Variants in ELAVL4 observed in about 807,000 individuals in gnomAD.
ELAVL4 encodes ELAV-like protein 4.
In ELAVL4, 1 loss-of-function variant was observed where a neutral mutation model predicts 35.6. That is an observed-to-expected ratio of 0.03 (90% confidence interval 0.01 to 0.13). ELAVL4 has a LOEUF of 0.13. Ranked by LOEUF, ELAVL4 falls within the 10% of genes least tolerant of loss-of-function variation. The pLI is 1.00. For synonymous variants in ELAVL4, 156 were observed against 171.0 expected, an observed-to-expected ratio of 0.91 and a Z score of 0.69; for missense variants, 267 against 464.9, an observed-to-expected ratio of 0.57 and a Z score of 3.91.
upstream of ELAVL4, among the ~76,000 whole-genome samples, chr1:50,098,963 A>G (rs1665834611): frequency 6.6e-6 from 1 of 152,244 alleles, no homozygotes; most frequent in African/African-American, 2.4e-5. Context: ...AAAGAAAAGC[A>G]GCCGTGGGCT....
At chr1:50,116,397 T>G (rs922728678) in intron 1 of ELAVL4, among the ~76,000 whole-genome samples, 6 of 107,216 alleles carry the variant, frequency 5.6e-5, no homozygotes, top group African/African-American at 1.0e-4. Context: ...AATACTGTGG[T>G]GTGTGTGTGT....
intron 1 of ELAVL4, among the ~76,000 whole-genome samples, chr1:50,142,538 TCAAA>T (rs1673000226): frequency 6.6e-6 from 1 of 152,132 alleles, no homozygotes; most frequent in Admixed American, 6.5e-5. Flanking sequence ...TTGTCTTGAC[TCAAA>T]CACTCATTCC....
chr1:50,190,352 T>C (rs1387241201), intron 3 of ELAVL4, among the ~76,000 whole-genome samples: 2 of 152,242 alleles, frequency 1.3e-5, no homozygotes, highest in Non-Finnish European at 2.9e-5. Flanking sequence ...ACCACTGTAG[T>C]CATTCAGTTA....
chr1:50,062,183 G>A (rs1251943501), intron 1 of ELAVL4, among the ~76,000 whole-genome samples: 1 of 152,174 alleles, frequency 6.6e-6, no homozygotes, highest in Non-Finnish European at 1.5e-5. Flanking sequence ...GAATAACATA[G>A]CCTTTGATCT....
chr1:50,057,195 T>TA (rs538775379), intron 1 of ELAVL4, among the ~76,000 whole-genome samples: 8,045 of 142,582 alleles, frequency 0.056, 236 homozygotes, highest in African/African-American at 0.075. Flanking sequence ...GTTTTAAAAG[T>TA]AAAAAAAAAA....
At chr1:50,141,958 C>T (rs181666463) in intron 1 of ELAVL4, 110 of 152,300 alleles carry the variant, frequency 7.2e-4, no homozygotes, top group African/African-American at 2.3e-3. Context: ...TCATTTGTGA[C>T]CATCAGAAGA....
intron 2 of ELAVL4, among the ~76,000 whole-genome samples, chr1:50,168,725 G>A (rs1227102575): frequency 2.0e-5 from 3 of 151,908 alleles, no homozygotes; most frequent in Admixed American, 6.6e-5. Context: ...TTTGCATAAC[G>A]CTCTAAACAG....
chr1:50,055,008 TTCTC>T (rs1347625530), intron 1 of ELAVL4, among the ~76,000 whole-genome samples: 10 of 152,180 alleles, frequency 6.6e-5, no homozygotes, highest in Admixed American at 6.5e-4. Context: ...AGCTACAGCT[TTCTC>T]TCTCTCTATG....
upstream of ELAVL4, among the ~76,000 whole-genome samples, chr1:50,102,620 C>T (rs1420447268): frequency 1.3e-5 from 2 of 152,154 alleles, no homozygotes; most frequent in Non-Finnish European, 2.9e-5. Flanking sequence ...ACACTATATC[C>T]TTTAATGGTA....
At chr1:50,055,219 A>C (rs1202697291) in intron 1 of ELAVL4, among the ~76,000 whole-genome samples, 2 of 152,204 alleles carry the variant, frequency 1.3e-5, no homozygotes, top group Non-Finnish European at 2.9e-5. Context: ...GTAAATGACA[A>C]GAATAGGGAC....
At chr1:50,184,781 A>G (rs529409026) in intron 3 of ELAVL4, among the ~76,000 whole-genome samples, 27 of 152,312 alleles carry the variant, frequency 1.8e-4, no homozygotes, top group South Asian at 1.5e-3. Context: ...AGATGAACTC[A>G]TAAGGGATGA....
intron 1 of ELAVL4, among the ~76,000 whole-genome samples, chr1:50,051,196 C>T (rs1663357887): frequency 6.6e-6 from 1 of 152,110 alleles, no homozygotes; most frequent in Admixed American, 6.5e-5. Context: ...CAAAAGCAAA[C>T]ATATATCCAC....
chr1:50,195,835 G>A, intron 5 of ELAVL4, 49 bp downstream of exon 5: 1 of 1,604,176 alleles, frequency 6.2e-7, no homozygotes. Context: ...GTTCATAGCT[G>A]GGCAAGAGCC....
At chr1:50,069,177 C>T (rs968954893) in intron 1 of ELAVL4, among the ~76,000 whole-genome samples, 1 of 152,154 alleles carries the variant, frequency 6.6e-6, no homozygotes, top group African/African-American at 2.4e-5. Flanking sequence ...GCATCATTTA[C>T]CAGCTAAGAG....
intron 1 of ELAVL4, among the ~76,000 whole-genome samples, chr1:50,065,509 A>C (rs1664216508): frequency 6.6e-6 from 1 of 152,160 alleles, no homozygotes; most frequent in South Asian, 2.1e-4. Flanking sequence ...GAATAATAAT[A>C]TTTACTGCAT....
chr1:50,143,774 T>C (rs916687770), intron 1 of ELAVL4, among the ~76,000 whole-genome samples: 2 of 152,050 alleles, frequency 1.3e-5, no homozygotes, highest in African/African-American at 2.4e-5. Flanking sequence ...GGCCAGGAAA[T>C]CCGGGTGCAG....
intron 5 of ELAVL4, among the ~76,000 whole-genome samples, chr1:50,197,116 G>A (rs1451865505): frequency 6.6e-6 from 1 of 152,118 alleles, no homozygotes; most frequent in Non-Finnish European, 1.5e-5. Context: ...CCCCCGCTTT[G>A]AACAATTTCA....
intron 1 of ELAVL4, among the ~76,000 whole-genome samples, chr1:50,060,712 A>C (rs552793957): frequency 2.6e-5 from 4 of 152,342 alleles, no homozygotes; most frequent in African/African-American, 9.6e-5. Context: ...AACAAGTCTC[A>C]GAACTCAGTG....
intron 3 of ELAVL4, among the ~76,000 whole-genome samples, chr1:50,185,093 T>G (rs1475600314): frequency 2.0e-5 from 3 of 152,174 alleles, no homozygotes; most frequent in Non-Finnish European, 4.4e-5. Context: ...TCCCAGAAAA[T>G]TCTGTGGGAC....
Sources: allele counts gnomAD v4.1 joint callset (sites outside exome capture counted in the v4.1 genomes callset), GRCh38; gene constraint gnomAD v4.1.1; transcripts MANE v1.5; gene names NCBI Gene and HGNC (gene_info 2026-07-23, HGNC 2026-07-21).